The following PKD2 variants were observed in gnomAD, a reference collection of about 807,000 sequenced individuals.
The protein encoded by PKD2 is polycystin 2, transient receptor potential cation channel, also known as polycystin-2.
In PKD2, 48 loss-of-function variants were observed where a neutral mutation model predicts 105.9. The ratio of observed to expected loss-of-function variants is 0.45; its 90% CI spans 0.36 to 0.58. The LOEUF (loss-of-function observed/expected upper bound fraction) is 0.58, where lower values mean the gene tolerates loss of function less well. Ranked by LOEUF, PKD2 falls within the 20% of genes least tolerant of loss-of-function variation. PKD2 has a pLI of 0.00. For synonymous variants in PKD2, 464 were observed against 481.1 expected (o/e 0.96, Z 0.46); for missense variants, 1,078 against 1,255.3 (o/e 0.86, Z 2.13).
At chr4:88,038,111 C>G (rs543368172) in intron 3 of PKD2, 140 bp from the exon 4 acceptor site, 1 of 929,164 alleles carries the variant, frequency 1.1e-6, no homozygotes, top group African/African-American at 1.6e-5. Flanking sequence ...TATCCCAAAT[C>G]TCTCTGACAA....
intron 1 of PKD2, among the ~76,000 whole-genome samples, chr4:88,013,694 G>A (rs1328532456): frequency 1.3e-5 from 2 of 150,648 alleles, no homozygotes; most frequent in Non-Finnish European, 2.9e-5. Flanking sequence ...ACAGTGAGAG[G>A]TGAGAGCCTG....
intron 6 of PKD2, among the ~76,000 whole-genome samples, chr4:88,050,829 G>A (rs1316340346): frequency 6.6e-6 from 1 of 152,056 alleles, no homozygotes; most frequent in Admixed American, 6.6e-5. Flanking sequence ...GAGAAGGAAG[G>A]AAAGGAAGAT....
intron 4 of PKD2, among the ~76,000 whole-genome samples, chr4:88,042,852 G>GGGAC (rs1727621617): frequency 6.6e-6 from 1 of 152,060 alleles, no homozygotes. Context: ...CCCTCTTTTG[G>GGGAC]CTGTAATTTT....
chr4:88,024,677 G>T (rs12506530), intron 2 of PKD2, among the ~76,000 whole-genome samples: 2 of 151,950 alleles, frequency 1.3e-5, no homozygotes, highest in Admixed American at 1.3e-4. Flanking sequence ...CAACATTGTA[G>T]AAACATAATA....
At chr4:88,018,008 T>G (rs572698787) in intron 1 of PKD2, among the ~76,000 whole-genome samples, 1 of 152,260 alleles carries the variant, frequency 6.6e-6, no homozygotes, top group Non-Finnish European at 1.5e-5. Flanking sequence ...TGTGTTATTC[T>G]AAGTTGTAAT....
At chr4:88,049,182 A>T (rs1727883746) in intron 6 of PKD2, among the ~76,000 whole-genome samples, 1 of 152,216 alleles carries the variant, frequency 6.6e-6, no homozygotes, top group East Asian at 1.9e-4. Context: ...TATTATCTTT[A>T]TTTGTAAATT....
rs748554287 is a variant in PKD2, at chr4:88,065,839, A to G, written c.2318A>G (p.His773Arg). The G allele has an allele frequency of 1.2e-5, 19 of 1,613,534 alleles. No individual in the cohort carries two copies. The highest frequency in any genetic ancestry group is 1.4e-5 in the Non-Finnish European group (17 of 1,179,462). ...GATGGAGACCAAGAACTGACCGAAC[A>G]TGAACATCAGCAGATGAGAGACGAC... Reference protein sequence around the residue: ...DQDGDQELTEHEHQQMRDDLE... With the variant: ...DQDGDQELTEREHQQMRDDLE... The change falls in exon 12 of 15, where the codon CAT becomes CGT. Residue 773 changes from histidine (H) to arginine (R), a missense_variant. Physicochemically the swap from His to Arg is conservative, Grantham distance 29 (BLOSUM62 0). Coordinates refer to ENST00000237596, the MANE Select transcript of PKD2 (RefSeq NM_000297.4).
intron 2 of PKD2, among the ~76,000 whole-genome samples, chr4:88,020,201 C>T (rs969138538): frequency 6.6e-6 from 1 of 152,138 alleles, no homozygotes; most frequent in Non-Finnish European, 1.5e-5. Flanking sequence ...AACATAAAGT[C>T]TGCATAAGAA....
At chr4:88,072,476 C>T (rs1721071060) in intron 13 of PKD2, among the ~76,000 whole-genome samples, 3 of 152,216 alleles carry the variant, frequency 2.0e-5, no homozygotes, top group African/African-American at 7.2e-5. Context: ...AGTCCATTCA[C>T]TTGAGAAGAG....
intron 2 of PKD2, among the ~76,000 whole-genome samples, chr4:88,028,997 A>T (rs2110098027): frequency 6.6e-6 from 1 of 152,256 alleles, no homozygotes; most frequent in South Asian, 2.1e-4. Context: ...ATTTTCTTTG[A>T]AATGTTGACC....
chr4:88,056,037 C>T (rs771201029), intron 7 of PKD2, 49 bp from the exon 8 acceptor site: 2 of 1,136,836 alleles, frequency 1.8e-6, no homozygotes, highest in South Asian at 1.2e-5. Context: ...TATACAGTCA[C>T]ACCATTTTGT....
At chr4:88,029,590 T>C (rs1334381730) in intron 2 of PKD2, among the ~76,000 whole-genome samples, 4 of 152,236 alleles carry the variant, frequency 2.6e-5, no homozygotes, top group African/African-American at 9.6e-5. Flanking sequence ...CTAATCTGTC[T>C]TCTTTCCTAT....
In PKD2 at chr4:88,072,654, C is replaced by G. The variant is rs571335400; in HGVS notation, c.2523-2158C>G. ...CTTGCTTCTTCTGGCATGGAAACTC[C>G]ACCCTACAAGTGGGAACTGAGTGGA... On this transcript the variant is annotated intron_variant, in intron 13 of 14. Coordinates refer to ENST00000237596, the MANE Select transcript of PKD2 (RefSeq NM_000297.4). 7.4e-4 allele frequency among the ~76,000 whole-genome samples: 113 copies of G among 152,272 alleles called. 1 individual carries two copies. Among genetic ancestry groups the G allele is most frequent in the African/African-American group, 2.6e-3 (110 of 41,576 alleles).
chr4:88,067,892 C>T lies in PKD2; in HGVS notation c.2359-6C>T. On this transcript the variant is annotated splice_region_variant and splice_polypyrimidine_tract_variant and intron_variant, in intron 12 of 14. Coordinates refer to ENST00000237596, the MANE Select transcript of PKD2 (RefSeq NM_000297.4). ...GCTCCTCACTCAGTGACCCCTTGTT[C>T]TTCAGGAGGACCTGGATTTGGATCA... The T allele has an allele frequency of 6.2e-7, 1 of 1,613,364 alleles. No homozygotes were observed. The highest frequency in any genetic ancestry group is 1.1e-5 in the South Asian group (1 of 91,062).
chr4:88,065,834 C>G lies in PKD2; in HGVS notation c.2313C>G (p.Thr771=). The change falls in exon 12 of 15, where the codon ACC becomes ACG. Residue 771 remains threonine (T), a synonymous_variant. Coordinates refer to ENST00000237596, the MANE Select transcript of PKD2 (RefSeq NM_000297.4). The part of the protein sequence containing the change: ...KYDQDGDQEL[T]EHEHQQMRDD... ...ACCAAGATGGAGACCAAGAACTGAC[C>G]GAACATGAACATCAGCAGATGAGAG... 6.2e-7 allele frequency: 1 copy of G among 1,613,248 alleles called. No homozygotes were observed. Among genetic ancestry groups the G allele is most frequent in the Non-Finnish European group, 8.5e-7 (1 of 1,179,376 alleles).
At chr4:88,052,614 T>C (rs1329091368) in intron 7 of PKD2, among the ~76,000 whole-genome samples, 1 of 152,206 alleles carries the variant, frequency 6.6e-6, no homozygotes. Flanking sequence ...CATGTGATCA[T>C]TCCTCTCACT....
Position 88,064,744 on chromosome 4 carries a change from G to A in PKD2, c.2119-630G>A, listed in dbSNP as rs542869717. The stretch of plus-strand genomic sequence containing the variant: ...CTGTCTCTACAAAAAAAAAAAAATA[G>A]CAAGGCGTGGTGACTCACACCTGTA... On this transcript the variant is annotated intron_variant, in intron 10 of 14. Transcript: ENST00000237596. 8.6e-5 allele frequency among the ~76,000 whole-genome samples: 13 copies of A among 151,712 alleles called. No individual in the cohort carries two copies. The East Asian group carries it at 2.5e-3, about 29-fold the overall frequency.
chr4:88,061,027 A>C (rs1305994950), intron 9 of PKD2, among the ~76,000 whole-genome samples: 2 of 152,230 alleles, frequency 1.3e-5, no homozygotes, highest in East Asian at 1.9e-4. Flanking sequence ...TCCAAAGTCT[A>C]TCTCTCTTCC....
rs777145402 is a variant in PKD2 at position 88,038,306 on chromosome 4, A to G, written c.899A>G (p.Gln300Arg). 3.7e-6 allele frequency: 6 copies of G among 1,613,978 alleles called. No individual in the cohort carries two copies. The highest frequency in any genetic ancestry group is 5.1e-6 in the Non-Finnish European group (6 of 1,179,830). The change falls in exon 4 of 15, where the codon CAG (glutamine) becomes CGG (arginine). Residue 300 changes from glutamine to arginine, a missense_variant. Physicochemically the swap from Gln to Arg is conservative, Grantham distance 43 (BLOSUM62 1). Transcript: ENST00000237596. The stretch of plus-strand genomic sequence containing the variant: ...TACTGGAAGATGCAGCCCAGCAACC[A>G]GACTGAAGCTGACAACCGAAGTTTC... ...GLYWKMQPSN[Q>R]TEADNRSFIF...
Sources: gnomAD v4.1 joint callset for allele counts (sites outside exome capture counted in the v4.1 genomes callset) on GRCh38, gnomAD v4.1.1 for gene constraint, MANE v1.5 for transcripts, NCBI Gene and HGNC (gene_info 2026-07-23, HGNC 2026-07-21) for gene names.